Variants in TNRC6B observed in about 807,000 individuals in gnomAD.
TNRC6B encodes the protein trinucleotide repeat containing adaptor 6B, also known as trinucleotide repeat-containing gene 6B protein.
A neutral mutation model predicts 203.6 loss-of-function variants in TNRC6B; 52 were observed. The observed-to-expected ratio is 0.26, with a 90% CI of 0.20 to 0.32. TNRC6B has a LOEUF of 0.32. TNRC6B is among the 10% of genes least tolerant of loss of function. The pLI is 1.00. For synonymous variants in TNRC6B, 838 were observed against 845.7 expected, an observed-to-expected ratio of 0.99 and a Z score of 0.16; for missense variants, 1,923 against 2,286.2, an observed-to-expected ratio of 0.84 and a Z score of 3.24.
chr22:40,077,765 T>TTGTG (rs10640739), intron 1 of TNRC6B, among the ~76,000 whole-genome samples: 41 of 151,340 alleles, frequency 2.7e-4, no homozygotes, highest in East Asian at 5.8e-4. Context: ...TGGCAGTCTT[T>TTGTG]TGTGTGTGTG....
chr22:40,151,546 A>G (rs1221425333), intron 3 of TNRC6B, among the ~76,000 whole-genome samples: 3 of 63,188 alleles, frequency 4.7e-5, no homozygotes, highest in East Asian at 2.9e-4. Flanking sequence ...TCAAAAAAAA[A>G]AAAAAAGAAA....
intron 3 of TNRC6B, among the ~76,000 whole-genome samples, chr22:40,127,934 G>A (rs886587901): frequency 2.6e-5 from 4 of 152,132 alleles, no homozygotes; most frequent in African/African-American, 9.7e-5. Flanking sequence ...AGGTATAATT[G>A]GGAGATTGCT....
intron 4 of TNRC6B, among the ~76,000 whole-genome samples, chr22:40,166,125 C>A (rs886603045): frequency 6.6e-6 from 1 of 152,146 alleles, no homozygotes; most frequent in African/African-American, 2.4e-5. Context: ...GAAGGTCTTC[C>A]ATGCAAGTCT....
intron 2 of TNRC6B, 64 bp from the exon 3 acceptor site, chr22:40,251,115 G>C: frequency 7.2e-7 from 1 of 1,390,294 alleles, no homozygotes; most frequent in Admixed American, 2.4e-5. Context: ...GACTAAAGTA[G>C]TCTGAAAATA....
intron 3 of TNRC6B, among the ~76,000 whole-genome samples, chr22:40,127,968 T>C (rs2068508797): frequency 6.6e-6 from 1 of 152,234 alleles, no homozygotes. Context: ...ATTAGACTGG[T>C]ATAGAATATA....
chr22:40,059,502 A>ATT (rs2067829579), intron 1 of TNRC6B, among the ~76,000 whole-genome samples: 1 of 152,206 alleles, frequency 6.6e-6, no homozygotes, highest in East Asian at 1.9e-4. Context: ...CAGAAGTGAT[A>ATT]CGAGTGGGCA....
chr22:40,061,125 T>C lies in TNRC6B; in HGVS notation c.-121+16127T>C, dbSNP rs531111856. Among the ~76,000 whole-genome samples, 81 of 152,332 alleles carry C rather than the reference T, an allele frequency of 5.3e-4. No individual in the cohort carries two copies. The South Asian group carries it at 9.7e-3, about 18-fold the overall frequency. On this transcript the variant is annotated intron_variant, in intron 1 of 23. Coordinates refer to the TNRC6B transcript ENST00000301923. The stretch of plus-strand genomic sequence containing the variant: ...TTGTATAACTGAATCCTTTAAAATG[T>C]ATTGAGATTTGTTTTATGGTACAGA...
chr22:40,092,855 A>G (rs532554902), intron 1 of TNRC6B, among the ~76,000 whole-genome samples: 3 of 152,356 alleles, frequency 2.0e-5, no homozygotes, highest in African/African-American at 4.8e-5. Flanking sequence ...ATGTAATTAG[A>G]TATTGTAAAT....
At chr22:40,075,628 A>G (rs567317919) in intron 1 of TNRC6B, among the ~76,000 whole-genome samples, 4 of 151,946 alleles carry the variant, frequency 2.6e-5, no homozygotes, top group South Asian at 2.1e-4. Context: ...GTCATTTTCA[A>G]TATGGTTGGG....
intron 9 of TNRC6B, 65 bp downstream of exon 9, chr22:40,278,109 TGC>T: frequency 7.8e-7 from 1 of 1,290,284 alleles, no homozygotes; most frequent in Non-Finnish European, 1.1e-6. Context: ...TGGCATCTCC[TGC>T]CCAATTTGAT....
At chr22:40,088,853 G>C (rs979954790) in intron 1 of TNRC6B, among the ~76,000 whole-genome samples, 6 of 152,136 alleles carry the variant, frequency 3.9e-5, no homozygotes, top group African/African-American at 1.4e-4. Flanking sequence ...AGAGAAGCTA[G>C]ACTGCCTTAA....
At chr22:40,134,943 G>T (rs2068586132) in intron 3 of TNRC6B, among the ~76,000 whole-genome samples, 1 of 152,240 alleles carries the variant, frequency 6.6e-6, no homozygotes, top group Non-Finnish European at 1.5e-5. Flanking sequence ...CACTAGGGCA[G>T]TTCTTCTCTT....
chr22:40,314,748 A>C (rs1222474021), intron 19 of TNRC6B, among the ~76,000 whole-genome samples: 1 of 152,238 alleles, frequency 6.6e-6, no homozygotes, highest in East Asian at 1.9e-4. Context: ...TATTCCTCAC[A>C]GCACTGATTT....
At position 40,278,315 on chromosome 22, in the gene TNRC6B, T is replaced by C. The variant is rs1487680322; in HGVS notation, c.3262+271T>C. Reference sequence around the variant, plus strand: ...TGGCTCATGCCTGTAATCCCAGCACTTTGGGAGACCGAGGTGGGTGGATTA... The same window carrying C: ...TGGCTCATGCCTGTAATCCCAGCACCTTGGGAGACCGAGGTGGGTGGATTA... On this transcript the variant is annotated intron_variant, in intron 9 of 22. Coordinates refer to ENST00000454349, the MANE Select transcript of TNRC6B (RefSeq NM_001162501.2). 2.6e-5 allele frequency among the ~76,000 whole-genome samples: 4 copies of C among 151,186 alleles called. No homozygotes were observed. The East Asian group carries it at 5.9e-4, about 22-fold the overall frequency.
chr22:40,072,126 G>A (rs1344268217), intron 1 of TNRC6B, among the ~76,000 whole-genome samples: 1 of 151,986 alleles, frequency 6.6e-6, no homozygotes, highest in Non-Finnish European at 1.5e-5. Context: ...CAAAGCACTG[G>A]GATTACAAGA....
intron 1 of TNRC6B, among the ~76,000 whole-genome samples, chr22:40,110,121 A>T (rs1383567926): frequency 1.3e-5 from 2 of 152,254 alleles, no homozygotes; most frequent in African/African-American, 4.8e-5. Context: ...TGGTCACAAA[A>T]GTTAACATGT....
rs551028302 is a variant in TNRC6B at position 40,112,310 on chromosome 22, G to C, written c.-120-4745G>C. On this transcript the variant is annotated intron_variant, in intron 1 of 23. Transcript: ENST00000301923. The stretch of plus-strand genomic sequence containing the variant: ...AAGGGACTAAACCTGCTCCATGTCA[G>C]ATTGGGCATCAGAACTGAGTTCAAT... 3.3e-5 allele frequency among the ~76,000 whole-genome samples: 5 copies of C among 152,344 alleles called. No homozygotes were observed. In the East Asian group the frequency reaches 7.7e-4, roughly 24 times the overall value.
Position 40,266,220 on chromosome 22 carries a change from G to T in TNRC6B, c.1990G>T (p.Gly664Trp). The change falls in exon 5 of 23, where the codon GGG becomes TGG. Residue 664 changes from glycine (G) to tryptophan (W), a missense_variant. Gly to Trp is a radical substitution (Grantham distance 184). Around this residue, in one of 8 missense-constraint regions of TNRC6B, gnomAD observed 599 missense variants for 656.5 expected, o/e 0.91. Transcript: ENST00000454349. ...ESAATQTKNS[G>W]GWGDAPSQSN... ...CGCTGCCACACAGACCAAGAACTCA[G>T]GGGGCTGGGGAGATGCACCCAGCCA... The T allele has an allele frequency of 6.2e-7, 1 of 1,608,146 alleles. No individual in the cohort carries two copies.
intron 1 of TNRC6B, among the ~76,000 whole-genome samples, chr22:40,232,662 T>G (rs777253484): frequency 1.8e-4 from 28 of 152,220 alleles, no homozygotes; most frequent in Non-Finnish European, 3.8e-4. Flanking sequence ...GAAAAAGCTT[T>G]CAAATTGTTG....
Sources: gnomAD v4.1 joint callset for allele counts (sites outside exome capture counted in the v4.1 genomes callset) on GRCh38, gnomAD v4.1.1 for gene constraint, gnomAD v4.1.1 regional missense constraint, MANE v1.5 for transcripts, NCBI Gene and HGNC (gene_info 2026-07-23, HGNC 2026-07-21) for gene names.